Variants in KAZN observed in about 807,000 individuals in gnomAD.
KAZN encodes the protein kazrin, periplakin interacting protein.
Under a neutral mutation model 87.4 loss-of-function variants are expected in KAZN, and 40 were observed. That is an observed-to-expected ratio of 0.46 (90% confidence interval 0.36 to 0.60). The LOEUF is 0.60. KAZN is among the 20% of genes least tolerant of loss of function. KAZN has a pLI of 0.00. For missense variants in KAZN, 898 were observed against 1,073.9 expected, an observed-to-expected ratio of 0.84 and a Z score of 2.29; for synonymous variants, 466 against 458.3, an observed-to-expected ratio of 1.02 and a Z score of -0.22.
intron 1 of KAZN, among the ~76,000 whole-genome samples, chr1:14,870,586 C>T (rs1652026808): frequency 1.3e-5 from 2 of 152,176 alleles, no homozygotes; most frequent in Non-Finnish European, 2.9e-5. Flanking sequence ...AGTGATCTGC[C>T]CACCTTGGCT....
intron 2 of KAZN, among the ~76,000 whole-genome samples, chr1:15,014,344 G>A (rs1315213980): frequency 6.6e-6 from 1 of 152,116 alleles, no homozygotes; most frequent in African/African-American, 2.4e-5. Flanking sequence ...TTCCCACCCT[G>A]CCCACCTTGC....
Position 14,731,001 on chromosome 1 carries a change from G to T in KAZN, c.226+131778G>T, listed in dbSNP as rs532905983. ...GCAAGTGACATCCCTATTAGCCGGG[G>T]AGAAGGCCCTGGCTATTGTTCTGTT... On this transcript the variant is annotated intron_variant, in intron 1 of 14. Coordinates refer to ENST00000376030, the MANE Select transcript of KAZN (RefSeq NM_201628.3). Among the ~76,000 whole-genome samples the T allele has an allele frequency of 6.4e-4, 98 of 152,288 alleles. 1 individual carries two copies. In the South Asian group the frequency reaches 0.02, roughly 31 times the overall value.
intron 1 of KAZN, among the ~76,000 whole-genome samples, chr1:14,713,093 T>C (rs1642574313): frequency 6.6e-6 from 1 of 152,210 alleles, no homozygotes; most frequent in African/African-American, 2.4e-5. Context: ...CTGAGCCTGC[T>C]CAATACCTGT....
At chr1:14,885,422 A>C (rs1294986710) in intron 1 of KAZN, among the ~76,000 whole-genome samples, 1 of 152,140 alleles carries the variant, frequency 6.6e-6, no homozygotes, top group Non-Finnish European at 1.5e-5. Flanking sequence ...AAGTGTCCCC[A>C]CTTCCCCAGG....
intron 10 of KAZN, among the ~76,000 whole-genome samples, chr1:15,095,475 A>G (rs1052865692): frequency 6.6e-6 from 1 of 151,446 alleles, no homozygotes; most frequent in African/African-American, 2.4e-5. Flanking sequence ...GTACCCCCGC[A>G]GGCCACCCAC....
chr1:14,935,589 G>A (rs1434251997), intron 1 of KAZN, among the ~76,000 whole-genome samples: 3 of 152,212 alleles, frequency 2.0e-5, no homozygotes, highest in South Asian at 2.1e-4. Flanking sequence ...CCTGCAAGGC[G>A]ATGCTGATGT....
chr1:14,244,349 G>C (rs539749720), intron 2 of KAZN, among the ~76,000 whole-genome samples: 1 of 152,262 alleles, frequency 6.6e-6, no homozygotes, highest in Admixed American at 6.5e-5. Context: ...TGCCTGCCTG[G>C]CTCATACGAA....
chr1:14,050,381 T>C (rs559810265), intron 1 of KAZN, among the ~76,000 whole-genome samples: 61 of 152,168 alleles, frequency 4.0e-4, no homozygotes, highest in Non-Finnish European at 7.8e-4. Flanking sequence ...TGCTGGAGAC[T>C]GGGTGATTTA....
chr1:14,419,950 G>T (rs746613281), intron 2 of KAZN, among the ~76,000 whole-genome samples: 2 of 152,146 alleles, frequency 1.3e-5, no homozygotes, highest in African/African-American at 2.4e-5. Flanking sequence ...TCCACAAGGT[G>T]GAAGGGAACA....
At chr1:14,058,890 T>C (rs72861233) in intron 1 of KAZN, among the ~76,000 whole-genome samples, 4,390 of 152,246 alleles carry the variant, frequency 0.029, 201 homozygotes, top group African/African-American at 0.1. Flanking sequence ...GCAAAGGCTC[T>C]GAGGCAAGAA....
chr1:14,888,124 C>T (rs1654293239), intron 1 of KAZN, among the ~76,000 whole-genome samples: 2 of 152,196 alleles, frequency 1.3e-5, no homozygotes, highest in Admixed American at 6.5e-5. Context: ...TCGGGACATT[C>T]CTGTCATCCT....
intron 2 of KAZN, among the ~76,000 whole-genome samples, chr1:14,462,846 T>A (rs985392806): frequency 6.6e-6 from 1 of 151,992 alleles, no homozygotes; most frequent in Non-Finnish European, 1.5e-5. Context: ...TCCTGCAGGC[T>A]CCCTCCCATG....
chr1:14,623,844 A>C (rs1678902400), intron 1 of KAZN, among the ~76,000 whole-genome samples: 1 of 152,040 alleles, frequency 6.6e-6, no homozygotes. Flanking sequence ...TTTTTTTCAC[A>C]GATAATTCTG....
At chr1:14,487,945 C>T (rs1315795186) in intron 2 of KAZN, among the ~76,000 whole-genome samples, 1 of 152,098 alleles carries the variant, frequency 6.6e-6, no homozygotes, top group Admixed American at 6.5e-5. Context: ...AGGGTGAGGC[C>T]TTCCAAGGAA....
At chr1:14,973,098 C>T (rs1046095708) in intron 2 of KAZN, among the ~76,000 whole-genome samples, 5 of 152,056 alleles carry the variant, frequency 3.3e-5, no homozygotes, top group Non-Finnish European at 7.4e-5. Context: ...GTACAGCATG[C>T]GAGTCTCAGC....
intron 2 of KAZN, among the ~76,000 whole-genome samples, chr1:14,414,715 G>C (rs1664605542): frequency 6.6e-6 from 1 of 152,114 alleles, no homozygotes; most frequent in Non-Finnish European, 1.5e-5. Flanking sequence ...GAGAGTTGGA[G>C]GAGAATAAGA....
At chr1:14,588,165 G>C (rs764385983) in intron 2 of KAZN, among the ~76,000 whole-genome samples, 3 of 152,098 alleles carry the variant, frequency 2.0e-5, no homozygotes, top group Non-Finnish European at 4.4e-5. Flanking sequence ...ACTTAGCACC[G>C]GGTGTGGTGT....
intron 2 of KAZN, among the ~76,000 whole-genome samples, chr1:14,302,148 T>C: frequency 6.6e-6 from 1 of 152,214 alleles, no homozygotes; most frequent in East Asian, 1.9e-4. Flanking sequence ...AATATCTTTC[T>C]CTATTTCCGA....
At chr1:14,320,442 A>C (rs1446657116) in intron 2 of KAZN, among the ~76,000 whole-genome samples, 1 of 152,144 alleles carries the variant, frequency 6.6e-6, no homozygotes, top group African/African-American at 2.4e-5. Flanking sequence ...ATCTTTTCTC[A>C]TGTTAGGCTT....
Sources: allele counts gnomAD v4.1 joint callset (sites outside exome capture counted in the v4.1 genomes callset), GRCh38; gene constraint gnomAD v4.1.1; transcripts MANE v1.5; gene names NCBI Gene and HGNC (gene_info 2026-07-23, HGNC 2026-07-21).